The following RASAL2 variants were observed in gnomAD, a reference collection of about 807,000 sequenced individuals.
RASAL2 encodes ras GTPase-activating protein nGAP.
In RASAL2, 58 loss-of-function variants were observed where a neutral mutation model predicts 128.9. That is an observed-to-expected ratio of 0.45 (90% confidence interval 0.36 to 0.56). The LOEUF is 0.56. Among genes scored for constraint, RASAL2 ranks in the 20% least tolerant of loss-of-function variants. The pLI is 0.00. For missense variants in RASAL2, 1,360 were observed against 1,601.6 expected (o/e 0.85, Z 2.57); for synonymous variants, 561 against 580.8 (o/e 0.97, Z 0.49).
rs1366445746 is a variant in RASAL2 at position 178,174,786 on chromosome 1, T to C, written c.202+80092T>C. 2.6e-5 allele frequency among the ~76,000 whole-genome samples: 4 copies of C among 152,326 alleles called. No homozygotes were observed. The East Asian group carries it at 7.7e-4, about 29-fold the overall frequency. ...TTGGCATTTACTTTCCAAGGACAAT[T>C]GAAGGCAATAGCTGGTTCCTTCATG... is the stretch of plus-strand genomic sequence containing the variant. On this transcript the variant is annotated intron_variant, in intron 1 of 17. Transcript: ENST00000367649.
At chr1:178,191,246 C>T (rs1235194835) in intron 1 of RASAL2, among the ~76,000 whole-genome samples, 4 of 151,924 alleles carry the variant, frequency 2.6e-5, no homozygotes, top group Non-Finnish European at 4.4e-5. Context: ...CAGAATTAGA[C>T]GCAGTTAATA....
chr1:178,186,287 G>A (rs1050662638), intron 1 of RASAL2, among the ~76,000 whole-genome samples: 2 of 151,164 alleles, frequency 1.3e-5, no homozygotes, highest in Admixed American at 1.3e-4. Context: ...CTTATACTGG[G>A]TAGAGATTTA....
chr1:178,377,124 A>G (rs1370495697), intron 3 of RASAL2, among the ~76,000 whole-genome samples: 2 of 152,158 alleles, frequency 1.3e-5, no homozygotes, highest in African/African-American at 4.8e-5. Context: ...TAGTTCTATG[A>G]AAGAATAATG....
In RASAL2 at chr1:178,472,819, G is replaced by A. The variant is rs1572142955; in HGVS notation, c.3679-256G>A. ...TATCACTTTTACATGACAGTCTAATGTCCCAAGAGATTGTTAATAAAAAGT... is the reference window on the plus strand; with the variant it reads ...TATCACTTTTACATGACAGTCTAATATCCCAAGAGATTGTTAATAAAAAGT... On this transcript the variant is annotated intron_variant, in intron 17 of 17. Transcript: ENST00000367649. 3.3e-5 allele frequency among the ~76,000 whole-genome samples: 5 copies of A among 152,222 alleles called. No individual in the cohort carries two copies. In the South Asian group the frequency reaches 1.0e-3, roughly 32 times the overall value.
chr1:178,177,188 G>A (rs1413369742), intron 1 of RASAL2, among the ~76,000 whole-genome samples: 6 of 152,152 alleles, frequency 3.9e-5, no homozygotes, highest in Non-Finnish European at 7.4e-5. Flanking sequence ...CCTGAATTAC[G>A]TGTTTGGAGT....
rs185045533 is a variant in RASAL2 at position 178,097,730 on chromosome 1, A to G, written c.202+3036A>G. ...AACAACAACAGAAGTAACCCCCCAA[A>G]GAATATCTTAACAGGAACTTCTAGA... On this transcript the variant is annotated intron_variant, in intron 1 of 17. Coordinates refer to ENST00000367649, the MANE Select transcript of RASAL2 (RefSeq NM_170692.4). Among the ~76,000 whole-genome samples, 15 of 152,284 alleles carry G rather than the reference A, an allele frequency of 9.9e-5. No individual in the cohort carries two copies. The East Asian group carries it at 1.9e-3, about 20-fold the overall frequency.
At chr1:178,099,823 G>A (rs57276822) in intron 1 of RASAL2, among the ~76,000 whole-genome samples, 16,551 of 152,086 alleles carry the variant, frequency 0.11, 1,148 homozygotes, top group African/African-American at 0.19. Context: ...TTAGCCGGGT[G>A]TGGTGGCATG....
chr1:178,141,684 T>C (rs1242352330), intron 1 of RASAL2, among the ~76,000 whole-genome samples: 1 of 152,140 alleles, frequency 6.6e-6, no homozygotes. Flanking sequence ...TTCGATGTCA[T>C]TAACATCGGA....
intron 1 of RASAL2, among the ~76,000 whole-genome samples, chr1:178,148,168 G>A (rs1404788019): frequency 1.3e-5 from 2 of 151,500 alleles, no homozygotes. Flanking sequence ...TTTCTCCAGT[G>A]TTCATTTATT....
chr1:178,100,318 C>T lies in RASAL2; in HGVS notation c.202+5624C>T, dbSNP rs556150388. On this transcript the variant is annotated intron_variant, in intron 1 of 17. Transcript: ENST00000367649. ...ATCACCTGAGGTAAGGAGTTTGAGA[C>T]CAGCCTGGCCAACATGGTGAAACCT... is the stretch of plus-strand genomic sequence containing the variant. 1.0e-3 allele frequency among the ~76,000 whole-genome samples: 156 copies of T among 151,148 alleles called. 1 individual carries two copies. Among genetic ancestry groups the T allele is most frequent in the African/African-American group, 3.5e-3 (145 of 41,158 alleles).
intron 1 of RASAL2, among the ~76,000 whole-genome samples, chr1:178,134,448 A>T (rs1220437743): frequency 4.7e-5 from 5 of 106,654 alleles, no homozygotes; most frequent in African/African-American, 1.5e-4. Context: ...GCAAAGTGAG[A>T]CCCTATCTCA....
chr1:178,449,278 A>T (rs1677218898), intron 9 of RASAL2, among the ~76,000 whole-genome samples: 1 of 152,124 alleles, frequency 6.6e-6, no homozygotes, highest in African/African-American at 2.4e-5. Flanking sequence ...TTACCTTTCC[A>T]ATTGAAATCA....
intron 3 of RASAL2, among the ~76,000 whole-genome samples, chr1:178,342,276 G>A (rs1391594526): frequency 1.3e-5 from 2 of 152,072 alleles, no homozygotes; most frequent in African/African-American, 4.8e-5. Flanking sequence ...AAAATTTTGT[G>A]GTCTAAGGTA....
chr1:178,137,722 A>G (rs2102322622), intron 1 of RASAL2, among the ~76,000 whole-genome samples: 1 of 152,340 alleles, frequency 6.6e-6, no homozygotes, highest in South Asian at 2.1e-4. Flanking sequence ...AGAAAGCCTC[A>G]GATGCTTACT....
chr1:178,263,555 C>T (rs968393823), intron 1 of RASAL2, among the ~76,000 whole-genome samples: 1 of 152,188 alleles, frequency 6.6e-6, no homozygotes, highest in Non-Finnish European at 1.5e-5. Context: ...TTAACATTTA[C>T]TGAGTACTTT....
chr1:178,323,766 A>C (rs961755304), intron 3 of RASAL2, among the ~76,000 whole-genome samples: 1 of 152,224 alleles, frequency 6.6e-6, no homozygotes, highest in Non-Finnish European at 1.5e-5. Flanking sequence ...AAGTATCTTA[A>C]TGAAAGGAAA....
At chr1:178,198,672 A>T (rs1236011902) in intron 1 of RASAL2, among the ~76,000 whole-genome samples, 7 of 152,100 alleles carry the variant, frequency 4.6e-5, no homozygotes, top group African/African-American at 1.7e-4. Flanking sequence ...TTGCTGCCTG[A>T]TCCTTTCTCT....
At chr1:178,381,227 G>A (rs2102562542) in intron 3 of RASAL2, among the ~76,000 whole-genome samples, 1 of 152,218 alleles carries the variant, frequency 6.6e-6, no homozygotes, top group Non-Finnish European at 1.5e-5. Context: ...AATGTTTTAG[G>A]GAGATTAATC....
intron 3 of RASAL2, among the ~76,000 whole-genome samples, chr1:178,365,101 C>A (rs1244086192): frequency 4.6e-5 from 7 of 151,658 alleles, no homozygotes; most frequent in Non-Finnish European, 1.5e-5. Flanking sequence ...GCCTTTTTCA[C>A]TGAAATCAAA....
Sources: allele counts gnomAD v4.1 joint callset (sites outside exome capture counted in the v4.1 genomes callset), GRCh38; gene constraint gnomAD v4.1.1; transcripts MANE v1.5; gene names NCBI Gene and HGNC (gene_info 2026-07-23, HGNC 2026-07-21).